DAPK1: variants seen among roughly 807,000 people sequenced by gnomAD.
The protein encoded by DAPK1 is death associated protein kinase 1.
In DAPK1, 56 loss-of-function variants were observed where a neutral mutation model predicts 144.9. The ratio of observed to expected loss-of-function variants is 0.39; its 90% confidence interval spans 0.31 to 0.48. The LOEUF (loss-of-function observed/expected upper bound fraction) is 0.48. Among genes scored for constraint, DAPK1 ranks in the 20% least tolerant of loss-of-function variants. DAPK1 has a pLI of 0.95. For missense variants in DAPK1, 1,454 were observed against 1,875.4 expected (o/e 0.78, Z 4.15); for synonymous variants, 690 against 749.0 (o/e 0.92, Z 1.29).
At chr9:87,524,144 A>G (rs1001196293) in intron 2 of DAPK1, among the ~76,000 whole-genome samples, 6 of 152,180 alleles carry the variant, frequency 3.9e-5, no homozygotes, top group Non-Finnish European at 8.8e-5. Context: ...AGGTTCTTAC[A>G]GAGGAGGGGC....
intron 2 of DAPK1, among the ~76,000 whole-genome samples, chr9:87,565,243 C>A (rs1048393796): frequency 1.2e-4 from 17 of 141,806 alleles, no homozygotes; most frequent in African/African-American, 5.0e-4. Flanking sequence ...AGTGTCGAGG[C>A]TGTAGAGAAA....
At chr9:87,619,202 G>A (rs1829204004) in intron 3 of DAPK1, among the ~76,000 whole-genome samples, 2 of 152,152 alleles carry the variant, frequency 1.3e-5, no homozygotes, top group Non-Finnish European at 2.9e-5. Flanking sequence ...AGGTTTAATT[G>A]TTTTTGTACT....
intron 3 of DAPK1, among the ~76,000 whole-genome samples, chr9:87,620,232 G>T (rs1829242486): frequency 6.6e-6 from 1 of 152,188 alleles, no homozygotes; most frequent in Non-Finnish European, 1.5e-5. Context: ...TCAGGGCCAG[G>T]TGTTTTAGAG....
rs911703660 is a variant in DAPK1, at chr9:87,697,026, G to A, written c.2433G>A (p.Val811=). The A allele has an allele frequency of 6.9e-6, 11 of 1,583,206 alleles. No individual in the cohort carries two copies. The highest frequency in any genetic ancestry group is 9.6e-6 in the Non-Finnish European group (11 of 1,151,724). ...CTGTAGGAGTTGGCGATTTCAGCGTGTGGGAGTTCTCTGGAAATCCTGTGT... is the reference window on the plus strand; with the variant it reads ...CTGTAGGAGTTGGCGATTTCAGCGTATGGGAGTTCTCTGGAAATCCTGTGT... The part of the protein sequence containing the change: ...AYLNGVGDFS[V]WEFSGNPVYF... Residue 811 remains valine (V), a synonymous_variant, in exon 22 of 26, where the codon GTG becomes GTA. Transcript: ENST00000408954.
At chr9:87,700,070 C>G (rs781641037) in intron 23 of DAPK1, 47 bp from the exon 24 acceptor site, 1 of 1,569,912 alleles carries the variant, frequency 6.4e-7, no homozygotes, top group Non-Finnish European at 8.8e-7. Context: ...ATTAAAAGGC[C>G]TGGGGACATT....
At chr9:87,568,273 A>T (rs36233193) in intron 2 of DAPK1, among the ~76,000 whole-genome samples, 5 of 152,188 alleles carry the variant, frequency 3.3e-5, no homozygotes, top group Non-Finnish European at 7.3e-5. Flanking sequence ...CCAAGTCTTC[A>T]TGCATTGCTG....
At chr9:87,650,714 CT>C (rs1400672413) in intron 16 of DAPK1, among the ~76,000 whole-genome samples, 26 of 152,290 alleles carry the variant, frequency 1.7e-4, no homozygotes, top group Non-Finnish European at 2.9e-5. Context: ...AGCAATGGTT[CT>C]GGGTCGGGGG....
At chr9:87,594,131 G>T (rs894497871) in intron 2 of DAPK1, among the ~76,000 whole-genome samples, 1 of 152,256 alleles carries the variant, frequency 6.6e-6, no homozygotes, top group Admixed American at 6.5e-5. Context: ...CTGATGTAGG[G>T]TTTACTATAT....
At chr9:87,505,241 G>C (rs1563962652) in intron 2 of DAPK1, among the ~76,000 whole-genome samples, 2 of 152,156 alleles carry the variant, frequency 1.3e-5, no homozygotes, top group African/African-American at 4.8e-5. Context: ...CTAACATTTT[G>C]TATAAATTAA....
At chr9:87,652,538 C>T (rs1441089299) in intron 17 of DAPK1, among the ~76,000 whole-genome samples, 1 of 145,346 alleles carries the variant, frequency 6.9e-6, no homozygotes, top group African/African-American at 2.6e-5. Context: ...TGCCCCCGAT[C>T]CTGGGTCCTG....
rs980257542 is a variant in DAPK1, at chr9:87,686,135, G to T, written c.2225-416G>T. Among the ~76,000 whole-genome samples, 1 of 152,192 alleles carries T rather than the reference G, an allele frequency of 6.6e-6. No homozygotes were observed. The highest frequency in any genetic ancestry group is 1.5e-5 in the Non-Finnish European group (1 of 68,044). ...ATCTCATGTGCAAGAGAGAGAAGTCGCTCAGTGGGAGCTGGAGGAAGACAG... is the reference window on the plus strand; with the variant it reads ...ATCTCATGTGCAAGAGAGAGAAGTCTCTCAGTGGGAGCTGGAGGAAGACAG... On this transcript the variant is annotated intron_variant, in intron 20 of 25. Coordinates refer to ENST00000408954, the MANE Select transcript of DAPK1 (RefSeq NM_004938.4). The surrounding 1 kb of genome is among the most constrained non-coding windows in gnomAD (Gnocchi z 4.2).
At chr9:87,568,617 A>T (rs1170416078) in intron 2 of DAPK1, among the ~76,000 whole-genome samples, 1 of 152,228 alleles carries the variant, frequency 6.6e-6, no homozygotes, top group Non-Finnish European at 1.5e-5. Context: ...GTCACCTTGC[A>T]GCCTGACCGT....
In DAPK1 at chr9:87,681,500, A is replaced by G; in HGVS notation, c.2098A>G (p.Lys700Glu). The G allele has an allele frequency of 6.2e-7, 1 of 1,612,990 alleles. No individual in the cohort carries two copies. Among genetic ancestry groups the G allele is most frequent in the South Asian group, 1.1e-5 (1 of 91,060 alleles). Residue 700 changes from lysine (K) to glutamate (E), a missense_variant, in exon 20 of 26, where the codon AAA (lysine) becomes GAA (glutamate). This residue lies in a region of DAPK1 where 1,025 missense variants were observed against 1,237.9 expected (regional missense o/e 0.83). Coordinates refer to ENST00000408954, the MANE Select transcript of DAPK1 (RefSeq NM_004938.4). ...GCTGTTTGGCCACTCGGGATCCGGG[A>G]AAACCACCCTTGTAGAATCTCTCAA... ...LKLFGHSGSG[K>E]TTLVESLKCG...
intron 18 of DAPK1, among the ~76,000 whole-genome samples, chr9:87,662,945 C>T (rs1830916167): frequency 6.6e-6 from 1 of 152,048 alleles, no homozygotes. Flanking sequence ...AGGTTTCAAG[C>T]TGAGTCAAGG....
chr9:87,657,973 C>T, intron 17 of DAPK1, 56 bp from the exon 18 acceptor site: 2 of 742,226 alleles, frequency 2.7e-6, no homozygotes, highest in Admixed American at 2.0e-5. Flanking sequence ...TCCGGAATGT[C>T]ATCCTCAGCA....
chr9:87,650,024 G>A lies in DAPK1; in HGVS notation c.1532G>A (p.Gly511Glu), dbSNP rs567340006. The A allele has an allele frequency of 1.2e-6, 2 of 1,614,170 alleles. No individual in the cohort carries two copies. Among genetic ancestry groups the A allele is most frequent in the South Asian group, 2.2e-5 (2 of 91,084 alleles). Residue 511 changes from glycine (G) to glutamate (E), a missense_variant, in exon 16 of 26, where the codon GGA becomes GAA. This residue lies in a region of DAPK1 where 1,025 missense variants were observed against 1,237.9 expected (regional missense o/e 0.83). Transcript: ENST00000408954. ...GCNVNIKNRE[G>E]ETPLLTASAR... The stretch of plus-strand genomic sequence containing the variant: ...AACGTGAACATCAAGAACCGAGAAG[G>A]AGAGACGCCCCTCCTGACAGCCTCT...
rs1329135466 is a variant in DAPK1 at position 87,642,044 on chromosome 9, C to G, written c.904C>G (p.Arg302Gly). 3.7e-6 allele frequency: 6 copies of G among 1,613,400 alleles called. No individual in the cohort carries two copies. The African/African-American group carries it at 8.0e-5, about 22-fold the overall frequency. ...GGAGAAATTCAAGAAGTTTGCAGCC[C>G]GGAAAAAATGGAAAGTAAGATTGTT... ...NMEKFKKFAA[R>G]KKWKQSVRLI... The change falls in exon 10 of 26, where the codon CGG becomes GGG. Residue 302 changes from arginine (R) to glycine (G), a missense_variant. By Grantham distance (125) the Arg-to-Gly change is moderately radical (BLOSUM62 -2). Transcript: ENST00000408954.
intron 2 of DAPK1, among the ~76,000 whole-genome samples, chr9:87,592,710 T>C (rs1828181804): frequency 6.6e-6 from 1 of 152,092 alleles, no homozygotes; most frequent in African/African-American, 2.4e-5. Context: ...GAGGTCAGCC[T>C]CGTGGCTGAC....
intron 2 of DAPK1, among the ~76,000 whole-genome samples, chr9:87,504,646 T>G (rs148105968): frequency 6.6e-6 from 1 of 152,152 alleles, no homozygotes; most frequent in East Asian, 1.9e-4. Context: ...GAGATGGATG[T>G]CCAGATAAAT....
Sources: gnomAD v4.1 joint callset for allele counts (sites outside exome capture counted in the v4.1 genomes callset) on GRCh38, gnomAD v4.1.1 for gene constraint, gnomAD v4.1.1 regional missense constraint, Gnocchi (gnomAD v3.1) non-coding constraint, MANE v1.5 for transcripts, NCBI Gene and HGNC (gene_info 2026-07-23, HGNC 2026-07-21) for gene names.